Variants in SLC25A24 observed in about 807,000 individuals in gnomAD.
The protein encoded by SLC25A24 is mitochondrial adenyl nucleotide antiporter SLC25A24.
In SLC25A24, 49 loss-of-function variants were observed where a neutral mutation model predicts 60.7. That is an observed-to-expected ratio of 0.81 (90% confidence interval 0.64 to 1.02). The LOEUF is 1.02. SLC25A24 is among the 50% of genes least tolerant of loss of function. The pLI, the probability that SLC25A24 is intolerant of heterozygous loss-of-function variation, is 0.00. For synonymous variants in SLC25A24, 202 were observed against 200.6 expected (o/e 1.01, Z -0.06); for missense variants, 564 against 586.3 (o/e 0.96, Z 0.39).
chr1:108,200,072 G>C lies in SLC25A24; in HGVS notation c.67C>G (p.Arg23Gly). Residue 23 changes from arginine (R) to glycine (G), a missense_variant, in exon 1 of 10, where the codon CGC becomes GGC. By Grantham distance (125) the Arg-to-Gly change is moderately radical (BLOSUM62 -2). Transcript: ENST00000565488. ...AGTGCCTGGAAGAGGGTCTCGTAGCGCGTCGGCTGCTCCGCGTCCTGGCAG... is the reference window on the plus strand; with the variant it reads ...AGTGCCTGGAAGAGGGTCTCGTAGCCCGTCGGCTGCTCCGCGTCCTGGCAG... The part of the protein sequence containing the change: ...AACQDAEQPT[R>G]YETLFQALDR... The C allele has an allele frequency of 6.3e-7, 1 of 1,590,792 alleles. No homozygotes were observed. Among genetic ancestry groups the C allele is most frequent in the Non-Finnish European group, 8.6e-7 (1 of 1,169,322 alleles).
intron 7 of SLC25A24, among the ~76,000 whole-genome samples, chr1:108,145,874 T>A (rs1422771507): frequency 6.6e-6 from 1 of 152,190 alleles, no homozygotes; most frequent in East Asian, 1.9e-4. Context: ...AGGATTGTCT[T>A]GGCTATACAG....
Position 108,175,546 on chromosome 1 carries a change from T to C in SLC25A24, c.398+6395A>G, listed in dbSNP as rs1647643304. 2.6e-5 allele frequency among the ~76,000 whole-genome samples: 4 copies of C among 152,110 alleles called. No homozygotes were observed. The South Asian group carries it at 8.3e-4, about 32-fold the overall frequency. ...CACATCTCTACAAAAAATATAAAAATTAGCCAGGCATTGTGGTACAATGCC... is the reference window on the plus strand; with the variant it reads ...CACATCTCTACAAAAAATATAAAAACTAGCCAGGCATTGTGGTACAATGCC... On this transcript the variant is annotated intron_variant, in intron 3 of 9. Transcript: ENST00000565488.
chr1:108,158,943 CAG>C (rs1263604687), intron 4 of SLC25A24, among the ~76,000 whole-genome samples: 2 of 152,088 alleles, frequency 1.3e-5, no homozygotes, highest in Admixed American at 1.3e-4. Context: ...GCCGAGTTTG[CAG>C]AGAGCCGAGA....
At chr1:108,160,688 C>T (rs549800608) in intron 4 of SLC25A24, among the ~76,000 whole-genome samples, 2 of 152,374 alleles carry the variant, frequency 1.3e-5, no homozygotes, top group East Asian at 3.9e-4. Flanking sequence ...GAGACTCCGT[C>T]TGCAATCCCA....
rs1648050216 is a variant in SLC25A24, at chr1:108,184,483, C to T, written c.310+1345G>A. Among the ~76,000 whole-genome samples the T allele has an allele frequency of 2.0e-5, 3 of 152,356 alleles. No individual in the cohort carries two copies. The South Asian group carries it at 6.2e-4, about 32-fold the overall frequency. On this transcript the variant is annotated intron_variant, in intron 2 of 9. Transcript: ENST00000565488. ...GTACTACTTTCCAACCCAAACTCAGCTCTTCCTGGCTGAGAGTCACAGATG... is the reference window on the plus strand; with the variant it reads ...GTACTACTTTCCAACCCAAACTCAGTTCTTCCTGGCTGAGAGTCACAGATG...
chr1:108,152,955 G>C (rs956099313), intron 6 of SLC25A24, among the ~76,000 whole-genome samples: 2 of 152,232 alleles, frequency 1.3e-5, no homozygotes, highest in Admixed American at 6.5e-5. Context: ...AAGGGTGTCT[G>C]TCTGTGTTGC....
At chr1:108,180,041 G>T (rs958886920) in intron 3 of SLC25A24, among the ~76,000 whole-genome samples, 5 of 152,042 alleles carry the variant, frequency 3.3e-5, no homozygotes, top group Non-Finnish European at 7.4e-5. Context: ...CTTTAGAAAA[G>T]TGAATTTATG....
At chr1:108,163,925 G>A (rs1680166508) in intron 3 of SLC25A24, among the ~76,000 whole-genome samples, 1 of 152,098 alleles carries the variant, frequency 6.6e-6, no homozygotes, top group Non-Finnish European at 1.5e-5. Context: ...ATTGGCTGTG[G>A]GTTTGTCATA....
intron 2 of SLC25A24, among the ~76,000 whole-genome samples, chr1:108,185,177 A>G (rs1278518784): frequency 1.3e-5 from 2 of 152,188 alleles, no homozygotes; most frequent in Non-Finnish European, 2.9e-5. Context: ...CCCAGCCTCC[A>G]GAACTATAAG....
chr1:108,160,915 G>A (rs563901328), intron 4 of SLC25A24, among the ~76,000 whole-genome samples: 1 of 152,318 alleles, frequency 6.6e-6, no homozygotes, highest in African/African-American at 2.4e-5. Context: ...GTCCAGCTTT[G>A]GCTCGGCATC....
At position 108,167,807 on chromosome 1, in the gene SLC25A24, C is replaced by T. The variant is rs112344499; in HGVS notation, c.399-6514G>A. On this transcript the variant is annotated intron_variant, in intron 3 of 9. Transcript: ENST00000565488. ...AGAGCTGTTCCTATTCAGCCATCTTCGCCTTTGAGTCTTAAGAAATCCTGG... is the reference window on the plus strand; with the variant it reads ...AGAGCTGTTCCTATTCAGCCATCTTTGCCTTTGAGTCTTAAGAAATCCTGG... Among the ~76,000 whole-genome samples the T allele has an allele frequency of 6.2e-3, 950 of 152,234 alleles. 8 individuals carry two copies. The highest frequency in any genetic ancestry group is 0.02 in the African/African-American group (823 of 41,546).
chr1:108,155,817 G>A (rs191109996), intron 5 of SLC25A24, among the ~76,000 whole-genome samples: 13 of 152,236 alleles, frequency 8.5e-5, no homozygotes, highest in African/African-American at 3.1e-4. Flanking sequence ...AGATGTGGTA[G>A]TCACTTAAAA....
intron 7 of SLC25A24, 146 bp downstream of exon 7, chr1:108,148,133 T>A: frequency 1.6e-6 from 1 of 635,266 alleles, no homozygotes; most frequent in Non-Finnish European, 2.8e-6. Flanking sequence ...GGCACCCAGC[T>A]AAGCTGCTTC....
chr1:108,182,205 T>C (rs908834004), intron 2 of SLC25A24, among the ~76,000 whole-genome samples, 177 bp from the exon 3 acceptor site: 14 of 152,194 alleles, frequency 9.2e-5, no homozygotes, highest in African/African-American at 3.4e-4. Context: ...ACTAAAAATG[T>C]AACAAATACA....
At chr1:108,162,243 A>G (rs1484284527) in intron 3 of SLC25A24, among the ~76,000 whole-genome samples, 2 of 150,552 alleles carry the variant, frequency 1.3e-5, no homozygotes, top group Non-Finnish European at 3.0e-5. Flanking sequence ...GAATAGTGCC[A>G]CAATAAACAT....
At chr1:108,163,177 ATGCTGGTTTGGTT>A (rs1680139049) in intron 3 of SLC25A24, among the ~76,000 whole-genome samples, 1 of 90,252 alleles carries the variant, frequency 1.1e-5, no homozygotes, top group Admixed American at 9.8e-5. Context: ...TACCAGTACC[ATGCTGGTTTGGTT>A]ACTGTAGCCT....
chr1:108,138,941 A>C, intron 9 of SLC25A24, 117 bp downstream of exon 9: 2 of 1,065,590 alleles, frequency 1.9e-6, no homozygotes, highest in Non-Finnish European at 2.6e-6. Context: ...TAATGAAAAA[A>C]AGGTTGAGAA....
rs1330916501 is a variant in SLC25A24 at position 108,136,116 on chromosome 1, C to T, written c.*537G>A. 3.3e-5 allele frequency: 5 copies of T among 152,042 alleles called. No individual in the cohort carries two copies. Among genetic ancestry groups the T allele is most frequent in the South Asian group, 4.1e-4 (2 of 4,824 alleles). The allele number at this position is 152,042 out of a possible 1,614,324, so 9.4% of individuals were successfully genotyped here. On this transcript the variant is annotated 3_prime_UTR_variant, in exon 10 of 10. Coordinates refer to ENST00000565488, the MANE Select transcript of SLC25A24 (RefSeq NM_013386.5). ...CAGAAATTCCACCACTGTGTTCATT[C>T]GTATTCAGCTGAAAGAAAAATAAGG...
chr1:108,167,371 C>T (rs1188350296), intron 3 of SLC25A24, among the ~76,000 whole-genome samples: 3 of 151,772 alleles, frequency 2.0e-5, no homozygotes, highest in Admixed American at 6.6e-5. Flanking sequence ...TGGGCAATGG[C>T]GGGTGCCCCT....
Sources: gnomAD v4.1 joint callset for allele counts (sites outside exome capture counted in the v4.1 genomes callset) on GRCh38, gnomAD v4.1.1 for gene constraint, MANE v1.5 for transcripts, NCBI Gene and HGNC (gene_info 2026-07-23, HGNC 2026-07-21) for gene names.